The following SMCHD1 variants were observed in gnomAD, a reference collection of about 807,000 sequenced individuals.
SMCHD1 encodes structural maintenance of chromosomes flexible hinge domain containing 1.
Under a neutral mutation model 254.7 loss-of-function variants are expected in SMCHD1, and 78 were observed. The observed-to-expected ratio is 0.31, with a 90% CI of 0.26 to 0.37. SMCHD1 has a LOEUF of 0.37. Ranked by LOEUF, SMCHD1 falls within the 10% of genes least tolerant of loss-of-function variation. The pLI, the probability that SMCHD1 is intolerant of heterozygous loss-of-function variation, is 1.00. For missense variants in SMCHD1, 1,840 were observed against 2,408.1 expected, an observed-to-expected ratio of 0.76 and a Z score of 4.94; for synonymous variants, 766 against 794.9, an observed-to-expected ratio of 0.96 and a Z score of 0.61.
At chr18:2,794,653 A>G (rs529068488) in intron 45 of SMCHD1, among the ~76,000 whole-genome samples, 2 of 152,342 alleles carry the variant, frequency 1.3e-5, no homozygotes, top group South Asian at 4.1e-4. Context: ...GAATAATGTA[A>G]TACTTTTTTG....
At chr18:2,760,878 T>G (rs965807304) in intron 35 of SMCHD1, 139 bp downstream of exon 35, 1 of 533,454 alleles carries the variant, frequency 1.9e-6, no homozygotes, top group African/African-American at 1.9e-5. Flanking sequence ...AGTGAAGTAA[T>G]TATTGGATGT....
intron 45 of SMCHD1, among the ~76,000 whole-genome samples, chr18:2,793,383 G>A (rs547531396): frequency 7.9e-5 from 12 of 152,132 alleles, no homozygotes; most frequent in Non-Finnish European, 1.6e-4. Context: ...ATTGCTTGAG[G>A]CCAGGCGCAG....
chr18:2,664,810 A>G (rs1466682117), intron 1 of SMCHD1, among the ~76,000 whole-genome samples: 2 of 152,222 alleles, frequency 1.3e-5, no homozygotes, highest in Non-Finnish European at 2.9e-5. Flanking sequence ...GGAATTCTTT[A>G]AGGAACAACT....
chr18:2,796,155 A>G (rs1428988762), intron 46 of SMCHD1, 48 bp downstream of exon 46: 1 of 1,385,464 alleles, frequency 7.2e-7, no homozygotes, highest in Non-Finnish European at 9.6e-7. Flanking sequence ...TATGGAGATA[A>G]ATATTTATGA....
At chr18:2,661,837 A>G (rs1204620637) in intron 1 of SMCHD1, among the ~76,000 whole-genome samples, 1 of 152,202 alleles carries the variant, frequency 6.6e-6, no homozygotes, top group Non-Finnish European at 1.5e-5. Flanking sequence ...CAGTTATCGT[A>G]GAAGAGTACT....
chr18:2,767,131 A>T (rs967732055), intron 37 of SMCHD1, among the ~76,000 whole-genome samples: 1 of 151,924 alleles, frequency 6.6e-6, no homozygotes, highest in East Asian at 1.9e-4. Flanking sequence ...GTGACAACGC[A>T]CCTATAGCCC....
chr18:2,745,527 T>A (rs2075437566), intron 29 of SMCHD1, among the ~76,000 whole-genome samples: 1 of 152,340 alleles, frequency 6.6e-6, no homozygotes, highest in Non-Finnish European at 1.5e-5. Context: ...GTGTGTTGAC[T>A]AAAGGGTTTT....
At chr18:2,739,855 C>T (rs1292603199) in intron 27 of SMCHD1, among the ~76,000 whole-genome samples, 4 of 151,804 alleles carry the variant, frequency 2.6e-5, no homozygotes, top group Non-Finnish European at 4.4e-5. Context: ...GAGGCTGAGG[C>T]GAGGGGATTG....
At chr18:2,668,749 C>T (rs1322557143) in intron 3 of SMCHD1, among the ~76,000 whole-genome samples, 1 of 152,148 alleles carries the variant, frequency 6.6e-6, no homozygotes, top group East Asian at 1.9e-4. Context: ...TTTCGCCTAC[C>T]ACTCTACTGT....
intron 1 of SMCHD1, among the ~76,000 whole-genome samples, chr18:2,657,551 G>T (rs117172752): frequency 0.018 from 2,723 of 152,226 alleles, 40 homozygotes; most frequent in Middle Eastern, 0.099. Context: ...CCAGAGGGGG[G>T]AAACAAGTAA....
At chr18:2,777,966 C>A in intron 43 of SMCHD1, 51 bp downstream of exon 43, 1 of 1,183,458 alleles carries the variant, frequency 8.4e-7, no homozygotes, top group Middle Eastern at 2.0e-4. Flanking sequence ...AAATTTGTGA[C>A]ACAAATCTAT....
intron 5 of SMCHD1, among the ~76,000 whole-genome samples, chr18:2,683,990 C>G (rs977789586): frequency 6.6e-6 from 1 of 152,026 alleles, no homozygotes; most frequent in Non-Finnish European, 1.5e-5. Flanking sequence ...CATTTAGCGT[C>G]TTTGTATTAT....
chr18:2,763,076 G>A (rs1443410997), intron 36 of SMCHD1, among the ~76,000 whole-genome samples: 2 of 152,156 alleles, frequency 1.3e-5, no homozygotes, highest in Non-Finnish European at 1.5e-5. Flanking sequence ...AAATTTGGTT[G>A]GTGGGATGCT....
At chr18:2,689,361 G>A (rs2074122546) in intron 7 of SMCHD1, among the ~76,000 whole-genome samples, 2 of 151,452 alleles carry the variant, frequency 1.3e-5, no homozygotes, top group Non-Finnish European at 2.9e-5. Flanking sequence ...GGGATTACAG[G>A]TGCCTGCCAC....
chr18:2,666,310 G>C (rs185559268), intron 2 of SMCHD1, 78 bp downstream of exon 2: 1 of 649,700 alleles, frequency 1.5e-6, no homozygotes, highest in Admixed American at 3.3e-5. Context: ...ACTTTTATTA[G>C]ATATGCATCT....
rs770315892 is a variant in SMCHD1 at position 2,688,503 on chromosome 18, G to A, written c.748G>A (p.Ala250Thr). 3.1e-6 allele frequency: 5 copies of A among 1,611,074 alleles called. No individual in the cohort carries two copies. The South Asian group carries it at 5.5e-5, about 18-fold the overall frequency. The change falls in exon 6 of 48, where the codon GCC becomes ACC. Residue 250 changes from alanine (A) to threonine (T), a missense_variant. Physicochemically the swap from Ala to Thr is moderately conservative, Grantham distance 58. Around this residue, in one of 9 missense-constraint regions of SMCHD1, gnomAD observed 498 missense variants for 743.5 expected, o/e 0.67. Transcript: ENST00000320876. Reference sequence around the variant, plus strand: ...AGCTGTCTTCTTTGTTGGACAATCAGCCAGAGTAAGTAAAAAGATTTCTTA... The same window carrying A: ...AGCTGTCTTCTTTGTTGGACAATCAACCAGAGTAAGTAAAAAGATTTCTTA... Reference protein sequence around the residue: ...KQAVFFVGQSARMISKPADSQ... With the variant: ...KQAVFFVGQSTRMISKPADSQ...
Position 2,736,515 on chromosome 18 carries a change from AG to A in SMCHD1, c.3277-1880del, listed in dbSNP as rs1477299540. On this transcript the variant is annotated intron_variant, in intron 25 of 47. Coordinates refer to ENST00000320876, the MANE Select transcript of SMCHD1 (RefSeq NM_015295.3). ...TATTAACAAGCTATATATTCTAAAA[AG>A]GTCTAATAACCAGAATCTATAAGGA... Among the ~76,000 whole-genome samples the A allele has an allele frequency of 3.3e-5, 5 of 152,326 alleles. No individual in the cohort carries two copies. In the South Asian group the frequency reaches 8.3e-4, roughly 25 times the overall value.
intron 17 of SMCHD1, among the ~76,000 whole-genome samples, chr18:2,709,253 C>CAT (rs2074612119): frequency 9.4e-6 from 1 of 106,100 alleles, no homozygotes; most frequent in African/African-American, 3.1e-5. Flanking sequence ...TATATATACA[C>CAT]ACACACATGT....
Position 2,655,954 on chromosome 18 carries a change from C to A in SMCHD1, c.-122C>A. 2.8e-6 allele frequency: 2 copies of A among 708,432 alleles called. No homozygotes were observed. The highest frequency in any genetic ancestry group is 4.8e-4 in the Middle Eastern group (1 of 2,102). 43.9% of individuals were successfully genotyped at this position (708,432 alleles called of 1,614,324 possible). On this transcript the variant is annotated 5_prime_UTR_variant, in exon 1 of 48. Transcript: ENST00000320876. ...CGCCGCCGCTGACGAGGAGCTGCAG[C>A]GCGCCGGGCCGAGGCCTCGAGCCGC... is the stretch of plus-strand genomic sequence containing the variant.
Sources: gnomAD v4.1 joint callset for allele counts (sites outside exome capture counted in the v4.1 genomes callset) on GRCh38, gnomAD v4.1.1 for gene constraint, gnomAD v4.1.1 regional missense constraint, MANE v1.5 for transcripts, NCBI Gene and HGNC (gene_info 2026-07-23, HGNC 2026-07-21) for gene names.